PLEKHA6: variants seen among roughly 807,000 people sequenced by gnomAD.
The protein encoded by PLEKHA6 is pleckstrin homology domain containing A6.
PLEKHA6 carries 60 observed loss-of-function variants against 116.7 expected under a neutral mutation model. The observed-to-expected ratio is 0.51, with a 90% CI of 0.42 to 0.64. The LOEUF (loss-of-function observed/expected upper bound fraction) is 0.64. Ranked by LOEUF, PLEKHA6 falls within the 30% of genes least tolerant of loss-of-function variation. The pLI, the probability that PLEKHA6 is intolerant of heterozygous loss-of-function variation, is 0.00. For synonymous variants in PLEKHA6, 489 were observed against 556.1 expected (o/e 0.88, Z 1.70); for missense variants, 1,338 against 1,422.7 (o/e 0.94, Z 0.96).
chr1:204,273,537 C>T (rs1667691780), intron 3 of PLEKHA6, 89 bp downstream of exon 3: 1 of 909,418 alleles, frequency 1.1e-6, no homozygotes, highest in Non-Finnish European at 1.8e-6. Context: ...GCTGGACAGG[C>T]TACAATTTCC....
intron 10 of PLEKHA6, 49 bp from the exon 11 acceptor site, chr1:204,249,313 G>T: frequency 7.5e-7 from 1 of 1,340,316 alleles, no homozygotes; most frequent in Non-Finnish European, 1.1e-6. Flanking sequence ...AGGGGATGAA[G>T]GACATAGTTT....
At chr1:204,237,524 G>T (rs4951324) in intron 17 of PLEKHA6, among the ~76,000 whole-genome samples, 61,191 of 152,056 alleles carry the variant, frequency 0.4, 12,523 homozygotes, top group East Asian at 0.5. Context: ...AATGACAATG[G>T]ATTATTGTGA....
At position 204,259,707 on chromosome 1, in the gene PLEKHA6, G is replaced by A. The variant is rs887696432; in HGVS notation, c.558C>T (p.Pro186=). The change falls in exon 8 of 23, where the codon CCC becomes CCT. Residue 186 remains proline (P), a synonymous_variant. Coordinates refer to ENST00000272203, the MANE Select transcript of PLEKHA6 (RefSeq NM_014935.5). The surrounding 1 kb of genome is among the most constrained non-coding windows in gnomAD (Gnocchi z 4.6). ...GGGGTGGCTGCTGGTGGTGCTTGCTGGGTGGGACGTTCTCCGAGTCTGGCT... is the reference window on the plus strand; with the variant it reads ...GGGGTGGCTGCTGGTGGTGCTTGCTAGGTGGGACGTTCTCCGAGTCTGGCT... ...HEKPDSENVP[P]SKHHQQPPHN... The A allele has an allele frequency of 5.0e-6, 8 of 1,613,098 alleles. No individual in the cohort carries two copies. Among genetic ancestry groups the A allele is most frequent in the Non-Finnish European group, 6.8e-6 (8 of 1,179,400 alleles).
chr1:204,313,638 A>T, intron 1 of PLEKHA6: 1 of 984,860 alleles, frequency 1.0e-6, no homozygotes, highest in Non-Finnish European at 1.2e-6. Context: ...AGGAAATCAT[A>T]TGATTCTCCA....
rs771867811 is a variant in PLEKHA6 at position 204,247,360 on chromosome 1, T to G, written c.1920+5A>C. On this transcript the variant is annotated splice_donor_5th_base_variant and intron_variant, in intron 13 of 22. Coordinates refer to ENST00000272203, the MANE Select transcript of PLEKHA6 (RefSeq NM_014935.5). ...ATCCCCGCCAGCTCAGGGGCCCTTC[T>G]TCACCTGGGTGTCCAAATTGAGCTG... 1.3e-6 allele frequency: 2 copies of G among 1,596,796 alleles called. No individual in the cohort carries two copies. Among genetic ancestry groups the G allele is most frequent in the South Asian group, 2.2e-5 (2 of 90,736 alleles).
At chr1:204,371,399 A>C (rs1673776399) in intron 2 of PLEKHA6, 1 of 152,212 alleles carries the variant, frequency 6.6e-6, no homozygotes, top group Non-Finnish European at 1.5e-5. Context: ...AGGCAGTCCA[A>C]ATGCTAAGCT....
At chr1:204,316,571 T>C (rs1373759784) in intron 1 of PLEKHA6, among the ~76,000 whole-genome samples, 3 of 152,184 alleles carry the variant, frequency 2.0e-5, no homozygotes, top group Admixed American at 6.5e-5. Context: ...TCCCCACTCA[T>C]TGGCACGGTG....
chr1:204,275,652 GCT>G, intron 1 of PLEKHA6: 1 of 964,912 alleles, frequency 1.0e-6, no homozygotes, highest in Non-Finnish European at 1.2e-6. Context: ...TCCCCAGGAG[GCT>G]CTCAGGGGAG....
At chr1:204,291,942 A>C (rs1347797321) in intron 1 of PLEKHA6, among the ~76,000 whole-genome samples, 1 of 152,304 alleles carries the variant, frequency 6.6e-6, no homozygotes, top group East Asian at 1.9e-4. Context: ...AAAAGCCTTC[A>C]ATTGAGACAT....
In PLEKHA6 at chr1:204,359,895, TGTG is replaced by T; in HGVS notation, c.-299_-297del. On this transcript the variant is annotated 5_prime_UTR_variant, in exon 1 of 23. Coordinates refer to ENST00000272203, the MANE Select transcript of PLEKHA6 (RefSeq NM_014935.5). ...CCCTGGCGCAGGGAGAGGATGCTGT[TGTG>T]GTTACTGCAGGATCCAGCATCTTTC... 1 of 156,642 alleles carries T rather than the reference TGTG, an allele frequency of 6.4e-6. No individual in the cohort carries two copies. The highest frequency in any genetic ancestry group is 2.0e-4 in the South Asian group (1 of 4,932). The allele number at this position is 156,642 out of a possible 1,614,324, so 9.7% of individuals were successfully genotyped here. A position where few individuals can be genotyped will look rare whatever the true frequency, so the allele number is the denominator to read the frequency against.
chr1:204,360,322 A>AG (rs988195257), upstream of PLEKHA6, among the ~76,000 whole-genome samples: 18 of 150,982 alleles, frequency 1.2e-4, no homozygotes, highest in Non-Finnish European at 2.5e-4. Context: ...TACTCCAGAG[A>AG]GGGGCACGTC....
chr1:204,248,155 C>CTTTTTTTT (rs34335278), intron 12 of PLEKHA6, among the ~76,000 whole-genome samples: 5 of 95,236 alleles, frequency 5.3e-5, no homozygotes, highest in East Asian at 3.4e-4. Context: ...GGGCAGCAGC[C>CTTTTTTTT]TTTTTTTTTT....
intron 1 of PLEKHA6, among the ~76,000 whole-genome samples, chr1:204,296,322 G>C (rs1670274632): frequency 6.6e-6 from 1 of 151,494 alleles, no homozygotes; most frequent in Non-Finnish European, 1.5e-5. Context: ...ACAGTGCTTT[G>C]CCTGATTTTT....
intron 1 of PLEKHA6, among the ~76,000 whole-genome samples, chr1:204,350,434 C>A (rs1334189549): frequency 2.0e-5 from 3 of 152,214 alleles, no homozygotes; most frequent in African/African-American, 7.2e-5. Flanking sequence ...AGGTAAGAGC[C>A]ATGTCTCTAA....
intron 1 of PLEKHA6, among the ~76,000 whole-genome samples, chr1:204,297,405 C>T (rs1306098268): frequency 6.6e-6 from 1 of 152,164 alleles, no homozygotes; most frequent in Non-Finnish European, 1.5e-5. Context: ...AGGACAAGGT[C>T]GCTGTCCTGG....
rs145503710 is a variant in PLEKHA6, at chr1:204,244,369, C to T, written c.2172+495G>A. On this transcript the variant is annotated intron_variant, in intron 15 of 22. Transcript: ENST00000272203. ...TGTTGGCCGGGACAGTCTCTATATC[C>T]TGACCTAGCGATCCACCCGCCTTGG... Among the ~76,000 whole-genome samples, 183 of 150,822 alleles carry T rather than the reference C, an allele frequency of 1.2e-3. 1 individual carries two copies. Among genetic ancestry groups the T allele is most frequent in the African/African-American group, 4.1e-3 (168 of 41,088 alleles).
At chr1:204,272,044 C>T (rs12022234) in intron 3 of PLEKHA6, among the ~76,000 whole-genome samples, 25,170 of 152,028 alleles carry the variant, frequency 0.17, 2,286 homozygotes, top group East Asian at 0.28. Flanking sequence ...GCTATCCCTC[C>T]CCCTTCCCCG....
upstream of PLEKHA6, among the ~76,000 whole-genome samples, chr1:204,360,393 C>CCCAA (rs369674193): frequency 6.7e-6 from 1 of 149,570 alleles, no homozygotes; most frequent in East Asian, 2.0e-4. Flanking sequence ...GCCCCCCCCC[C>CCCAA]AATATGGTGA....
chr1:204,265,213 A>G (rs992042010), intron 5 of PLEKHA6, among the ~76,000 whole-genome samples, 171 bp from the exon 6 acceptor site: 1 of 152,044 alleles, frequency 6.6e-6, no homozygotes, highest in African/African-American at 2.4e-5. Context: ...CCGAGAGGAC[A>G]CTCCCTGGAG....
Sources: allele counts gnomAD v4.1 joint callset (sites outside exome capture counted in the v4.1 genomes callset), GRCh38; gene constraint gnomAD v4.1.1; non-coding constraint Gnocchi (gnomAD v3.1); transcripts MANE v1.5; gene names NCBI Gene and HGNC (gene_info 2026-07-23, HGNC 2026-07-21).